The following CELF4 variants were observed in gnomAD, a reference collection of about 807,000 sequenced individuals.
CELF4 encodes CUGBP Elav-like family member 4.
CELF4 carries 18 observed loss-of-function variants against 59.9 expected under a neutral mutation model. The observed-to-expected ratio is 0.30, with a 90% CI of 0.21 to 0.45. CELF4 has a LOEUF of 0.45. Among genes scored for constraint, CELF4 ranks in the 20% least tolerant of loss-of-function variants. The probability of loss-of-function intolerance (pLI) is 1.00; values close to 1 mark genes in which losing one functional copy is unlikely to be tolerated. For missense variants in CELF4, 456 were observed against 689.0 expected, an observed-to-expected ratio of 0.66 and a Z score of 3.79; for synonymous variants, 261 against 267.1, an observed-to-expected ratio of 0.98 and a Z score of 0.22.
intron 2 of CELF4, among the ~76,000 whole-genome samples, chr18:37,401,882 C>A (rs1030672186): frequency 6.6e-6 from 1 of 152,244 alleles, no homozygotes; most frequent in African/African-American, 2.4e-5. Context: ...GTTGGCTTGA[C>A]CTGGGGCCTG....
chr18:37,256,007 T>C (rs2154287632), intron 11 of CELF4, among the ~76,000 whole-genome samples: 1 of 152,206 alleles, frequency 6.6e-6, no homozygotes, highest in Admixed American at 6.5e-5. Flanking sequence ...GTCAAGGGAA[T>C]TTTTCTTCCC....
At chr18:37,275,265 C>T (rs1376100367) in intron 3 of CELF4, 22 bp from the exon 4 acceptor site, 4 of 1,612,030 alleles carry the variant, frequency 2.5e-6, no homozygotes, top group African/African-American at 1.3e-5. Flanking sequence ...TTAGGAGATG[C>T]TTACCCGGGC....
At chr18:37,552,559 G>A (rs2099983572) in intron 1 of CELF4, among the ~76,000 whole-genome samples, 1 of 152,252 alleles carries the variant, frequency 6.6e-6, no homozygotes, top group Admixed American at 6.5e-5. Context: ...TCCTGGCTGT[G>A]TGGCCTCTGC....
At chr18:37,273,737 T>G in intron 6 of CELF4, 1 of 987,864 alleles carries the variant, frequency 1.0e-6, no homozygotes, top group Non-Finnish European at 1.2e-6. Flanking sequence ...GTGGCCTGCC[T>G]CAGTGCCACC....
chr18:37,262,962 G>A (rs965050951), intron 10 of CELF4, among the ~76,000 whole-genome samples: 8 of 152,176 alleles, frequency 5.3e-5, no homozygotes, highest in South Asian at 4.1e-4. Flanking sequence ...GGCTTTCCTG[G>A]GCATGGGAAG....
intron 2 of CELF4, among the ~76,000 whole-genome samples, chr18:37,455,810 C>G (rs570188759): frequency 1.3e-5 from 2 of 152,300 alleles, no homozygotes; most frequent in South Asian, 4.2e-4. Flanking sequence ...GGCCCCCGGG[C>G]TCTCCCAGGG....
At chr18:37,329,847 C>T (rs891585773) in intron 2 of CELF4, among the ~76,000 whole-genome samples, 3 of 152,232 alleles carry the variant, frequency 2.0e-5, no homozygotes, top group Non-Finnish European at 4.4e-5. Flanking sequence ...CCCTGTGTGG[C>T]CACATGGGGT....
chr18:37,323,524 G>A (rs2097195392), intron 2 of CELF4, among the ~76,000 whole-genome samples: 1 of 152,178 alleles, frequency 6.6e-6, no homozygotes, highest in South Asian at 2.1e-4. Flanking sequence ...GGCTATGGGA[G>A]AGGGGCTCCA....
intron 3 of CELF4, among the ~76,000 whole-genome samples, chr18:37,282,167 C>T (rs1026867920): frequency 1.3e-5 from 2 of 152,180 alleles, no homozygotes; most frequent in Admixed American, 6.5e-5. Context: ...ACCATTACTA[C>T]TGCTCACCCA....
At chr18:37,398,360 T>C (rs1349116998) in intron 2 of CELF4, among the ~76,000 whole-genome samples, 2 of 152,174 alleles carry the variant, frequency 1.3e-5, no homozygotes, top group African/African-American at 4.8e-5. Flanking sequence ...TGTTCTATTG[T>C]GGACAATGAC....
At chr18:37,431,748 C>A (rs563902758) in intron 2 of CELF4, among the ~76,000 whole-genome samples, 1 of 152,314 alleles carries the variant, frequency 6.6e-6, no homozygotes, top group East Asian at 1.9e-4. Flanking sequence ...ACTTCCCTGG[C>A]AGTTGAGCAC....
chr18:37,250,281 T>C (rs1412354230), intron 12 of CELF4, among the ~76,000 whole-genome samples: 5 of 152,022 alleles, frequency 3.3e-5, no homozygotes, highest in Admixed American at 6.6e-5. Flanking sequence ...ACCAGAGGGG[T>C]AGGGCAGTGG....
At chr18:37,550,863 C>T (rs2099982985) in intron 1 of CELF4, among the ~76,000 whole-genome samples, 1 of 152,242 alleles carries the variant, frequency 6.6e-6, no homozygotes, top group Non-Finnish European at 1.5e-5. Flanking sequence ...TCTAAAAGGT[C>T]CCTGTTAAAA....
intron 3 of CELF4, 86 bp downstream of exon 3, chr18:37,321,717 G>A: frequency 1.1e-6 from 1 of 943,886 alleles, no homozygotes. Flanking sequence ...AGGAGGCGGG[G>A]AGTCGCTGCA....
At chr18:37,392,213 C>G (rs1226917898) in intron 2 of CELF4, among the ~76,000 whole-genome samples, 1 of 152,154 alleles carries the variant, frequency 6.6e-6, no homozygotes, top group Non-Finnish European at 1.5e-5. Flanking sequence ...AGCTGGTGAG[C>G]TGGGGCTAGG....
Position 37,274,792 on chromosome 18 carries a change from G to A in CELF4, c.657+13C>T, listed in dbSNP as rs1042050004. On this transcript the variant is annotated intron_variant, in intron 5 of 12. Coordinates refer to ENST00000420428, the MANE Select transcript of CELF4 (RefSeq NM_020180.4). ...CGCTGCCCTCGCCCCCGCCCCAAGG[G>A]GCCAGCACTCACCGGCATGGTCTGG... 2.5e-6 allele frequency: 4 copies of A among 1,578,692 alleles called. No homozygotes were observed. Among genetic ancestry groups the A allele is most frequent in the Non-Finnish European group, 2.6e-6 (3 of 1,165,200 alleles).
chr18:37,292,519 T>C (rs1239480927), intron 3 of CELF4, among the ~76,000 whole-genome samples: 3 of 152,224 alleles, frequency 2.0e-5, no homozygotes, highest in Non-Finnish European at 4.4e-5. Context: ...AACTTCCTCC[T>C]GCCTGGCTTT....
intron 1 of CELF4, among the ~76,000 whole-genome samples, chr18:37,524,699 G>C (rs1391484311): frequency 1.3e-5 from 2 of 152,200 alleles, no homozygotes; most frequent in East Asian, 3.9e-4. Flanking sequence ...ATCAATTACC[G>C]AGCCATTAAG....
chr18:37,462,167 T>G (rs1408310966), intron 2 of CELF4, among the ~76,000 whole-genome samples: 1 of 152,022 alleles, frequency 6.6e-6, no homozygotes, highest in Non-Finnish European at 1.5e-5. Context: ...AGGAGGATGA[T>G]CTGGGGGTTG....
Sources: gnomAD v4.1 joint callset for allele counts (sites outside exome capture counted in the v4.1 genomes callset) on GRCh38, gnomAD v4.1.1 for gene constraint, MANE v1.5 for transcripts, NCBI Gene and HGNC (gene_info 2026-07-23, HGNC 2026-07-21) for gene names.